The following DIAPH3 variants were observed in gnomAD, a reference collection of about 807,000 sequenced individuals.
The protein encoded by DIAPH3 is protein diaphanous homolog 3.
A neutral mutation model predicts 144.3 loss-of-function variants in DIAPH3; 117 were observed. The observed-to-expected ratio is 0.81, with a 90% confidence interval of 0.70 to 0.95. The LOEUF (loss-of-function observed/expected upper bound fraction) is 0.95. Among genes scored for constraint, DIAPH3 ranks in the 40% least tolerant of loss-of-function variants. The pLI is 0.00. For missense variants in DIAPH3, 1,421 were observed against 1,412.7 expected (o/e 1.01, Z -0.09); for synonymous variants, 519 against 488.9 (o/e 1.06, Z -0.81).
chr13:59,756,452 G>GGAAGGAAGGAAGGAAGGAAGGAAA (rs1566266071), intron 27 of DIAPH3, among the ~76,000 whole-genome samples: 1 of 141,898 alleles, frequency 7.0e-6, no homozygotes, highest in Admixed American at 7.1e-5. Context: ...AAAGAAGGAA[G>GGAAGGAAGGAAGGAAGGAAGGAAA]GAAGGAAGGA....
intron 2 of DIAPH3, among the ~76,000 whole-genome samples, chr13:60,113,373 T>A (rs1262279316): frequency 2.0e-5 from 3 of 152,206 alleles, no homozygotes; most frequent in Non-Finnish European, 4.4e-5. Flanking sequence ...CACAGTATTG[T>A]TTATTCAATT....
intron 4 of DIAPH3, among the ~76,000 whole-genome samples, chr13:60,048,396 A>G (rs2141232263): frequency 6.6e-6 from 1 of 152,376 alleles, no homozygotes; most frequent in African/African-American, 2.4e-5. Flanking sequence ...TAAACAGATT[A>G]AAAACTTCAT....
intron 24 of DIAPH3, among the ~76,000 whole-genome samples, chr13:59,828,187 C>G (rs1412952756): frequency 1.3e-5 from 2 of 151,930 alleles, no homozygotes; most frequent in African/African-American, 4.8e-5. Context: ...TCAAGTCTTA[C>G]AGTAAGTAAA....
intron 25 of DIAPH3, among the ~76,000 whole-genome samples, chr13:59,791,981 C>T (rs2039350481): frequency 1.3e-5 from 2 of 152,202 alleles, no homozygotes; most frequent in Admixed American, 6.5e-5. Context: ...ACCACCATCA[C>T]CATCATTCTT....
chr13:59,910,309 G>A (rs2046930752), intron 20 of DIAPH3, among the ~76,000 whole-genome samples: 2 of 152,170 alleles, frequency 1.3e-5, no homozygotes, highest in Middle Eastern at 3.4e-3. Flanking sequence ...AGAAAAGCAA[G>A]CAAGCAGGGA....
chr13:59,668,461 T>C lies in DIAPH3; in HGVS notation c.3320-1615A>G, dbSNP rs576311002. 3.9e-5 allele frequency among the ~76,000 whole-genome samples: 6 copies of C among 152,328 alleles called. No homozygotes were observed. In the East Asian group the frequency reaches 9.7e-4, roughly 25 times the overall value. On this transcript the variant is annotated intron_variant, in intron 27 of 27. Transcript: ENST00000400324. ...TGGACAACTCTAGTTAAAAGTCTAATGGCAAAGAAGAGATTAAATTAGCCA... is the reference window on the plus strand; with the variant it reads ...TGGACAACTCTAGTTAAAAGTCTAACGGCAAAGAAGAGATTAAATTAGCCA...
chr13:60,119,001 T>G (rs535113159), intron 2 of DIAPH3, among the ~76,000 whole-genome samples: 1 of 152,256 alleles, frequency 6.6e-6, no homozygotes, highest in African/African-American at 2.4e-5. Context: ...TCTGTCTCTT[T>G]CCAACTAAAA....
chr13:59,872,599 A>T (rs550813515), intron 21 of DIAPH3, among the ~76,000 whole-genome samples: 1 of 152,374 alleles, frequency 6.6e-6, no homozygotes, highest in South Asian at 2.1e-4. Flanking sequence ...TCTGATTCCA[A>T]AAATGTAGAA....
At chr13:60,089,359 T>C (rs181331714) in intron 4 of DIAPH3, among the ~76,000 whole-genome samples, 2 of 152,318 alleles carry the variant, frequency 1.3e-5, no homozygotes, top group East Asian at 3.9e-4. Context: ...TAAGGGAAGA[T>C]AAGATTAAAA....
chr13:60,029,068 G>A (rs141561374), intron 5 of DIAPH3, among the ~76,000 whole-genome samples: 3 of 108,430 alleles, frequency 2.8e-5, no homozygotes, highest in Admixed American at 9.2e-5. Flanking sequence ...AAAAAAAAAA[G>A]GGGGGATTTT....
chr13:60,038,003 C>A (rs540896355), intron 5 of DIAPH3, among the ~76,000 whole-genome samples: 1 of 151,960 alleles, frequency 6.6e-6, no homozygotes, highest in East Asian at 1.9e-4. Context: ...ACATACAGTT[C>A]AAAAACATAT....
Position 59,666,249 on chromosome 13 carries a change from A to G in DIAPH3, c.*335T>C, listed in dbSNP as rs1001649466. On this transcript the variant is annotated 3_prime_UTR_variant, in exon 28 of 28. Coordinates refer to ENST00000400324, the MANE Select transcript of DIAPH3 (RefSeq NM_001042517.2). ...GTAAAAATTCCAGTGGCTTAGAAAGATGGTATTTTCTTAAGGACACACTGC... is the reference window on the plus strand; with the variant it reads ...GTAAAAATTCCAGTGGCTTAGAAAGGTGGTATTTTCTTAAGGACACACTGC... The G allele has an allele frequency of 2.4e-5, 5 of 211,150 alleles. No individual in the cohort carries two copies. Among genetic ancestry groups the G allele is most frequent in the Admixed American group, 1.1e-4 (2 of 18,286 alleles). 13.1% of individuals were successfully genotyped at this position (211,150 alleles called of 1,614,324 possible).
intron 22 of DIAPH3, among the ~76,000 whole-genome samples, chr13:59,855,748 T>C (rs1384793739): frequency 6.6e-6 from 1 of 151,342 alleles, no homozygotes; most frequent in Non-Finnish European, 1.5e-5. Flanking sequence ...AAAAAAAAAG[T>C]AACATCATCC....
At chr13:59,921,877 C>A (rs1015466688) in intron 18 of DIAPH3, among the ~76,000 whole-genome samples, 6 of 151,948 alleles carry the variant, frequency 3.9e-5, no homozygotes, top group Non-Finnish European at 8.8e-5. Context: ...GGGATTCATT[C>A]CAGAGATGCA....
chr13:59,740,592 G>A (rs2036394217), intron 27 of DIAPH3, among the ~76,000 whole-genome samples: 1 of 152,078 alleles, frequency 6.6e-6, no homozygotes, highest in Non-Finnish European at 1.5e-5. Context: ...GGAAATTTAA[G>A]CAATAAATAA....
intron 27 of DIAPH3, among the ~76,000 whole-genome samples, chr13:59,693,027 C>A (rs1432527133): frequency 6.6e-6 from 1 of 152,060 alleles, no homozygotes; most frequent in Non-Finnish European, 1.5e-5. Context: ...TAACAAGGGA[C>A]CTGATTTAAG....
chr13:59,806,578 TATCC>T (rs1260574470), intron 25 of DIAPH3, among the ~76,000 whole-genome samples: 1 of 151,970 alleles, frequency 6.6e-6, no homozygotes. Context: ...TCCATCTCAT[TATCC>T]TATCTTATTT....
chr13:59,771,841 A>AC (rs2038138484), intron 27 of DIAPH3, among the ~76,000 whole-genome samples: 2 of 152,010 alleles, frequency 1.3e-5, no homozygotes, highest in Admixed American at 6.6e-5. Flanking sequence ...AATATGCATA[A>AC]AATATTCATC....
At chr13:59,968,792 A>T (rs1471099346) in intron 17 of DIAPH3, among the ~76,000 whole-genome samples, 1 of 152,220 alleles carries the variant, frequency 6.6e-6, no homozygotes, top group Non-Finnish European at 1.5e-5. Context: ...ATACATTTTT[A>T]AAATATCTGC....
Sources: gnomAD v4.1 joint callset for allele counts (sites outside exome capture counted in the v4.1 genomes callset) on GRCh38, gnomAD v4.1.1 for gene constraint, MANE v1.5 for transcripts, NCBI Gene and HGNC (gene_info 2026-07-23, HGNC 2026-07-21) for gene names.